KHDRBS2: variants seen among roughly 807,000 people sequenced by gnomAD.
KHDRBS2 encodes the protein KH RNA binding domain containing, signal transduction associated 2, also known as KH domain-containing, RNA-binding, signal transduction-associated protein 2.
In KHDRBS2, 26 loss-of-function variants were observed where a neutral mutation model predicts 44.3. The ratio of observed to expected loss-of-function variants is 0.59; its 90% confidence interval spans 0.43 to 0.81. KHDRBS2 has a LOEUF of 0.81. KHDRBS2 is among the 40% of genes least tolerant of loss of function. KHDRBS2 has a pLI of 0.00. For missense variants in KHDRBS2, 476 were observed against 433.1 expected, an observed-to-expected ratio of 1.10 and a Z score of -0.88; for synonymous variants, 194 against 151.1, an observed-to-expected ratio of 1.28 and a Z score of -2.08.
At position 61,790,336 on chromosome 6, in the gene KHDRBS2, T is replaced by C. The variant is rs144858966; in HGVS notation, c.811-57572A>G. On this transcript the variant is annotated intron_variant, in intron 6 of 8. Coordinates refer to ENST00000281156, the MANE Select transcript of KHDRBS2 (RefSeq NM_152688.4). Reference sequence around the variant, plus strand: ...CCGTTAGATTTGAAAGATGCTTAAGTGAATGCAATTTAAAGCAGAAATTGC... The same window carrying C: ...CCGTTAGATTTGAAAGATGCTTAAGCGAATGCAATTTAAAGCAGAAATTGC... Among the ~76,000 whole-genome samples, 82 of 150,794 alleles carry C rather than the reference T, an allele frequency of 5.4e-4. No individual in the cohort carries two copies. The East Asian group carries it at 0.012, about 22-fold the overall frequency.
At chr6:62,191,707 A>G (rs1246678881) in intron 1 of KHDRBS2, among the ~76,000 whole-genome samples, 1 of 152,170 alleles carries the variant, frequency 6.6e-6, no homozygotes, top group African/African-American at 2.4e-5. Flanking sequence ...CATAAAACAT[A>G]CACGGCTCTC....
intron 1 of KHDRBS2, among the ~76,000 whole-genome samples, chr6:62,219,985 T>C (rs1830631307): frequency 6.7e-6 from 1 of 149,084 alleles, no homozygotes; most frequent in South Asian, 2.1e-4. Context: ...AGTACATATG[T>C]ATATATTCTG....
rs1457629705 is a variant in KHDRBS2, at chr6:62,049,141, A to G, written c.220-1147T>C. On this transcript the variant is annotated intron_variant, in intron 2 of 8. Coordinates refer to ENST00000281156, the MANE Select transcript of KHDRBS2 (RefSeq NM_152688.4). ...TTTTTACTGGAGTATGGATTGTTGT[A>G]CGTATAGGTAAATAGATATGGTATG... 2.0e-5 allele frequency among the ~76,000 whole-genome samples: 3 copies of G among 151,904 alleles called. No homozygotes were observed. In the East Asian group the frequency reaches 5.8e-4, roughly 30 times the overall value.
intron 2 of KHDRBS2, among the ~76,000 whole-genome samples, chr6:62,119,140 C>A (rs1274755253): frequency 2.0e-5 from 3 of 151,920 alleles, no homozygotes; most frequent in Non-Finnish European, 2.9e-5. Context: ...ATGATTGGAC[C>A]CCAAAATGCT....
At chr6:61,644,958 T>G in the KHDRBS2 span, among the ~76,000 whole-genome samples, 35 of 152,138 alleles carry the variant, frequency 2.3e-4, no homozygotes, top group Admixed American at 2.3e-3. Flanking sequence ...AGCAATCTCA[T>G]TACTGGGTAT....
chr6:62,115,356 T>A lies in KHDRBS2; in HGVS notation c.219+61829A>T, dbSNP rs149188611. On this transcript the variant is annotated intron_variant, in intron 2 of 8. Transcript: ENST00000281156. ...CAGGCTGACTACTTTGATATCAGCA[T>A]AGGCTGCTGGATGTGTGTGCTACCA... Among the ~76,000 whole-genome samples, 1,249 of 152,276 alleles carry A rather than the reference T, an allele frequency of 8.2e-3. 11 individuals are homozygous for A. Among genetic ancestry groups the A allele is most frequent in the Non-Finnish European group, 0.014 (937 of 67,994 alleles).
intron 6 of KHDRBS2, among the ~76,000 whole-genome samples, chr6:61,885,539 G>A (rs1800821305): frequency 6.6e-6 from 1 of 152,198 alleles, no homozygotes. Context: ...ACAACACTAT[G>A]TGAGATGGTA....
At chr6:61,883,603 T>C (rs1336421011) in intron 6 of KHDRBS2, among the ~76,000 whole-genome samples, 2 of 152,028 alleles carry the variant, frequency 1.3e-5, no homozygotes, top group Admixed American at 6.6e-5. Context: ...GAGAAGAATA[T>C]ACACAATTTT....
intron 1 of KHDRBS2, among the ~76,000 whole-genome samples, chr6:62,250,261 T>C (rs1003350714): frequency 3.3e-5 from 5 of 152,080 alleles, no homozygotes; most frequent in African/African-American, 1.2e-4. Flanking sequence ...TCCACATACA[T>C]AACATTATCT....
chr6:61,908,958 A>G (rs974308009), intron 4 of KHDRBS2, among the ~76,000 whole-genome samples: 1 of 152,262 alleles, frequency 6.6e-6, no homozygotes, highest in African/African-American at 2.4e-5. Flanking sequence ...TAGCTTTAAA[A>G]ATGATGATTA....
At chr6:62,134,032 GA>G (rs1175660549) in intron 2 of KHDRBS2, among the ~76,000 whole-genome samples, 1 of 152,224 alleles carries the variant, frequency 6.6e-6, no homozygotes, top group Non-Finnish European at 1.5e-5. Flanking sequence ...CCCATTTTCT[GA>G]GAAGAAATTC....
intron 1 of KHDRBS2, among the ~76,000 whole-genome samples, chr6:62,236,338 A>C (rs1305806140): frequency 6.6e-6 from 1 of 152,038 alleles, no homozygotes; most frequent in Non-Finnish European, 1.5e-5. Flanking sequence ...CAGTATAATA[A>C]AACAAGAGAA....
At chr6:62,025,611 A>G (rs189136476) in intron 3 of KHDRBS2, among the ~76,000 whole-genome samples, 84 of 152,028 alleles carry the variant, frequency 5.5e-4, no homozygotes, top group African/African-American at 2.0e-3. Flanking sequence ...ACAAATAACA[A>G]GTTTGTATTG....
intron 7 of KHDRBS2, among the ~76,000 whole-genome samples, chr6:61,725,770 A>AAT (rs1484098974): frequency 6.6e-6 from 1 of 152,158 alleles, no homozygotes; most frequent in African/African-American, 2.4e-5. Context: ...TGAATAGACT[A>AAT]ATAACGAGTT....
At chr6:62,111,738 C>T (rs137989023) in intron 2 of KHDRBS2, among the ~76,000 whole-genome samples, 209 of 151,950 alleles carry the variant, frequency 1.4e-3, no homozygotes, top group Middle Eastern at 3.4e-3. Flanking sequence ...GAAAATTAGC[C>T]GAGTATGGTG....
intron 3 of KHDRBS2, among the ~76,000 whole-genome samples, chr6:62,031,012 T>G (rs1262543813): frequency 6.6e-6 from 1 of 152,116 alleles, no homozygotes; most frequent in Non-Finnish European, 1.5e-5. Flanking sequence ...AAAAGCATTA[T>G]GTTAAGTGAA....
intron 4 of KHDRBS2, among the ~76,000 whole-genome samples, chr6:61,971,410 C>CA (rs994593229): frequency 1.2e-4 from 18 of 150,940 alleles, no homozygotes; most frequent in Non-Finnish European, 1.8e-4. Context: ...AAGGGCAATT[C>CA]AAAAAAAATG....
At chr6:61,626,928 G>C in the KHDRBS2 span, among the ~76,000 whole-genome samples, 1 of 151,846 alleles carries the variant, frequency 6.6e-6, no homozygotes, top group Non-Finnish European at 1.5e-5. Context: ...AGAGCTAAGA[G>C]TTACCTCAAA....
At chr6:61,673,165 G>T in the KHDRBS2 span, among the ~76,000 whole-genome samples, 2 of 151,844 alleles carry the variant, frequency 1.3e-5, no homozygotes, top group Admixed American at 1.3e-4. Flanking sequence ...GTAGATATGT[G>T]GTGTTATTTC....
Sources: allele counts gnomAD v4.1 joint callset (sites outside exome capture counted in the v4.1 genomes callset), GRCh38; gene constraint gnomAD v4.1.1; transcripts MANE v1.5; gene names NCBI Gene and HGNC (gene_info 2026-07-23, HGNC 2026-07-21).